EIF2AK4: variants seen among roughly 807,000 people sequenced by gnomAD.
EIF2AK4 encodes the protein eIF-2-alpha kinase GCN2.
A neutral mutation model predicts 211.1 loss-of-function variants in EIF2AK4; 139 were observed. The ratio of observed to expected loss-of-function variants is 0.66; its 90% CI spans 0.57 to 0.76. The LOEUF (loss-of-function observed/expected upper bound fraction) is 0.76, where lower values mean the gene tolerates loss of function less well. EIF2AK4 is among the 30% of genes least tolerant of loss of function. EIF2AK4 has a pLI of 0.00. For synonymous variants in EIF2AK4, 710 were observed against 751.3 expected (o/e 0.94, Z 0.90); for missense variants, 1,664 against 2,043.8 (o/e 0.81, Z 3.58).
intron 32 of EIF2AK4, among the ~76,000 whole-genome samples, chr15:40,024,218 C>CT (rs143060366): frequency 0.026 from 3,780 of 144,912 alleles, 177 homozygotes; most frequent in African/African-American, 0.096. Context: ...TTTAACCTGT[C>CT]TTTTTTTTTT....
At chr15:39,987,603 A>G (rs529063996) in intron 14 of EIF2AK4, among the ~76,000 whole-genome samples, 1 of 152,316 alleles carries the variant, frequency 6.6e-6, no homozygotes, top group South Asian at 2.1e-4. Context: ...AAGAAAAGCT[A>G]ATGATATAAT....
chr15:39,959,391 T>C (rs914491164), intron 6 of EIF2AK4, among the ~76,000 whole-genome samples: 1 of 152,270 alleles, frequency 6.6e-6, no homozygotes, highest in African/African-American at 2.4e-5. Flanking sequence ...TTATTCCTTC[T>C]TTTCAAACTC....
Position 40,032,153 on chromosome 15 carries a change from T to C in EIF2AK4, c.4660-16T>C. 4 of 1,606,756 alleles carry C rather than the reference T, an allele frequency of 2.5e-6. No homozygotes were observed. The highest frequency in any genetic ancestry group is 1.1e-5 in the South Asian group (1 of 90,870). On this transcript the variant is annotated splice_polypyrimidine_tract_variant and intron_variant, in intron 35 of 38. Transcript: ENST00000263791. ...TTGGTTTAACATGTTCTGAATTCCA[T>C]TTTCTTACTATTTAGGTACAAACTC...
chr15:40,014,267 GC>G (rs1351894206), intron 27 of EIF2AK4, among the ~76,000 whole-genome samples: 3 of 152,218 alleles, frequency 2.0e-5, no homozygotes, highest in Non-Finnish European at 4.4e-5. Context: ...CTGTATGGGG[GC>G]TGCAAACCCA....
At chr15:40,018,450 T>C (rs1595432544) in intron 29 of EIF2AK4, among the ~76,000 whole-genome samples, 1 of 152,122 alleles carries the variant, frequency 6.6e-6, no homozygotes, top group African/African-American at 2.4e-5. Context: ...TGATTTTTTT[T>C]TTCAGTCTCA....
intron 3 of EIF2AK4, chr15:39,946,721 G>A: frequency 1.4e-6 from 1 of 692,810 alleles, no homozygotes; most frequent in Non-Finnish European, 2.6e-6. Flanking sequence ...CAACTTCATT[G>A]TTGTCTTCTT....
intron 21 of EIF2AK4, 131 bp from the exon 22 acceptor site, chr15:40,002,582 G>T: frequency 4.6e-6 from 4 of 874,192 alleles, no homozygotes; most frequent in Non-Finnish European, 5.7e-6. Context: ...AAAGAGGGAT[G>T]GACTTGTCAA....
chr15:40,032,654 G>C (rs909600595), intron 36 of EIF2AK4, 103 bp from the exon 37 acceptor site: 11 of 1,038,190 alleles, frequency 1.1e-5, no homozygotes, highest in Non-Finnish European at 1.6e-5. Context: ...TAGCATCTCA[G>C]ACTCTGCAAA....
chr15:39,998,847 C>A (rs1595419407), intron 20 of EIF2AK4, 63 bp downstream of exon 20: 2 of 1,362,372 alleles, frequency 1.5e-6, no homozygotes, highest in Non-Finnish European at 1.0e-6. Context: ...TATTTTTCTT[C>A]TTTTTCAATT....
chr15:39,977,038 C>A (rs1410923647), intron 12 of EIF2AK4, 194 bp downstream of exon 12: 1 of 574,784 alleles, frequency 1.7e-6, no homozygotes. Context: ...CATCCGCCTC[C>A]CGGGCCAGCG....
At chr15:39,943,519 A>T (rs1472841691) in intron 3 of EIF2AK4, 34 bp downstream of exon 3, 2 of 1,547,324 alleles carry the variant, frequency 1.3e-6, no homozygotes, top group Non-Finnish European at 1.8e-6. Flanking sequence ...AAAAGAAGAC[A>T]GTAAACTTCC....
intron 35 of EIF2AK4, among the ~76,000 whole-genome samples, chr15:40,030,724 C>G (rs1222724832): frequency 6.6e-6 from 1 of 152,066 alleles, no homozygotes; most frequent in Non-Finnish European, 1.5e-5. Context: ...TAATCTGGCT[C>G]TAAAGGTAGT....
In EIF2AK4 at chr15:39,998,777, C is replaced by A. The variant is rs1595419350; in HGVS notation, c.2915C>A (p.Ala972Glu). 6.2e-7 allele frequency: 1 copy of A among 1,611,698 alleles called. No homozygotes were observed. The highest frequency in any genetic ancestry group is 8.5e-7 in the Non-Finnish European group (1 of 1,178,820). Residue 972 changes from alanine to glutamate, a missense_variant, in exon 20 of 39, where the codon GCA becomes GAA. Transcript: ENST00000263791. ...FPEDFDDGEH[A>E]KQKSVISWLL... ...GAAGACTTTGACGATGGAGAGCATG[C>A]AAAGCAGGTAATTTTCTGATGCGTC...
chr15:40,008,911 T>G (rs1320405531), intron 25 of EIF2AK4, among the ~76,000 whole-genome samples: 1 of 152,146 alleles, frequency 6.6e-6, no homozygotes, highest in Non-Finnish European at 1.5e-5. Context: ...GGCTCACCAC[T>G]CGGTGAATAC....
chr15:39,942,759 G>A (rs1429461741), intron 2 of EIF2AK4, among the ~76,000 whole-genome samples: 1 of 152,162 alleles, frequency 6.6e-6, no homozygotes, highest in Non-Finnish European at 1.5e-5. Flanking sequence ...CACAAGAAGT[G>A]AGCATTTCCA....
intron 15 of EIF2AK4, among the ~76,000 whole-genome samples, chr15:39,988,607 A>C (rs2034899215): frequency 6.6e-6 from 1 of 152,220 alleles, no homozygotes; most frequent in Non-Finnish European, 1.5e-5. Context: ...TAAAGCCTAA[A>C]GTATTCACTC....
intron 10 of EIF2AK4, 30 bp from the exon 11 acceptor site, chr15:39,973,562 A>G (rs761001467): frequency 1.6e-5 from 25 of 1,588,432 alleles, no homozygotes; most frequent in Non-Finnish European, 2.6e-6. Flanking sequence ...CCAATGCCTC[A>G]TGTGCCTCTT....
At chr15:40,022,963 G>C (rs918936030) in intron 32 of EIF2AK4, among the ~76,000 whole-genome samples, 1 of 152,148 alleles carries the variant, frequency 6.6e-6, no homozygotes, top group Non-Finnish European at 1.5e-5. Context: ...TCCTGACCTC[G>C]TGATCTGCCC....
intron 33 of EIF2AK4, chr15:40,029,166 T>A: frequency 3.6e-6 from 1 of 277,532 alleles, no homozygotes; most frequent in Non-Finnish European, 5.5e-6. Flanking sequence ...GCTGAATAAA[T>A]CAGAATGTTT....
Sources: allele counts gnomAD v4.1 joint callset (sites outside exome capture counted in the v4.1 genomes callset), GRCh38; gene constraint gnomAD v4.1.1; transcripts MANE v1.5; gene names NCBI Gene and HGNC (gene_info 2026-07-23, HGNC 2026-07-21).